Variants in SLC4A4 observed in about 807,000 individuals in gnomAD.
SLC4A4 encodes solute carrier family 4 member 4.
Under a neutral mutation model 111.5 loss-of-function variants are expected in SLC4A4, and 27 were observed. The ratio of observed to expected loss-of-function variants is 0.24; its 90% CI spans 0.18 to 0.33. SLC4A4 has a LOEUF of 0.33. SLC4A4 is among the 10% of genes least tolerant of loss of function. The pLI is 1.00. For synonymous variants in SLC4A4, 443 were observed against 463.4 expected (o/e 0.96, Z 0.57); for missense variants, 909 against 1,315.5 (o/e 0.69, Z 4.78).
intron 3 of SLC4A4, among the ~76,000 whole-genome samples, chr4:71,296,495 T>G (rs879146467): frequency 1.3e-5 from 2 of 152,196 alleles, no homozygotes; most frequent in Non-Finnish European, 2.9e-5. Context: ...TCTACATTCC[T>G]GAAGTTTATT....
intron 3 of SLC4A4, among the ~76,000 whole-genome samples, chr4:71,299,584 C>G (rs1725057991): frequency 6.6e-6 from 1 of 152,142 alleles, no homozygotes; most frequent in South Asian, 2.1e-4. Flanking sequence ...AGCCAGGGCC[C>G]AGGGCCAATA....
At chr4:71,197,102 C>T (rs1746045731) in intron 1 of SLC4A4, among the ~76,000 whole-genome samples, 1 of 151,856 alleles carries the variant, frequency 6.6e-6, no homozygotes, top group African/African-American at 2.4e-5. Context: ...GTAATCCCAG[C>T]TACTTGGGAG....
chr4:71,497,891 A>G (rs1306692556), intron 16 of SLC4A4, among the ~76,000 whole-genome samples, 199 bp downstream of exon 16: 1 of 152,158 alleles, frequency 6.6e-6, no homozygotes, highest in Non-Finnish European at 1.5e-5. Flanking sequence ...CCTTCCAAGG[A>G]CTTTCTCACA....
chr4:71,193,443 G>A (rs926496717), intron 1 of SLC4A4, among the ~76,000 whole-genome samples: 1 of 152,188 alleles, frequency 6.6e-6, no homozygotes, highest in Non-Finnish European at 1.5e-5. Flanking sequence ...ACAGGCGTGA[G>A]CCACCGCGCC....
chr4:71,238,415 A>G (rs1231288012), intron 2 of SLC4A4, among the ~76,000 whole-genome samples: 1 of 152,254 alleles, frequency 6.6e-6, no homozygotes, highest in Non-Finnish European at 1.5e-5. Flanking sequence ...TGTAGCCAGG[A>G]TTCTTTAAGA....
intron 2 of SLC4A4, among the ~76,000 whole-genome samples, chr4:71,092,963 C>T (rs886489547): frequency 6.6e-6 from 1 of 151,840 alleles, no homozygotes; most frequent in South Asian, 2.1e-4. Flanking sequence ...GGCGTGGTGG[C>T]GTGCGCCTGT....
intron 6 of SLC4A4, among the ~76,000 whole-genome samples, chr4:71,359,054 GC>G (rs1199047735): frequency 1.3e-5 from 2 of 152,182 alleles, no homozygotes; most frequent in African/African-American, 4.8e-5. Flanking sequence ...AATATGATGA[GC>G]TTCATTTCCA....
intron 3 of SLC4A4, among the ~76,000 whole-genome samples, chr4:71,334,071 A>G (rs11727507): frequency 0.63 from 95,189 of 151,780 alleles, 32,698 homozygotes; most frequent in Non-Finnish European, 0.78. Flanking sequence ...CTCTCCTTTC[A>G]TCCAGCAGGC....
intron 3 of SLC4A4, among the ~76,000 whole-genome samples, chr4:71,285,065 C>A (rs1156462188): frequency 6.6e-6 from 1 of 152,146 alleles, no homozygotes; most frequent in Non-Finnish European, 1.5e-5. Flanking sequence ...AAGAGCTGGG[C>A]AGAGTCTCAG....
intron 1 of SLC4A4, among the ~76,000 whole-genome samples, chr4:71,218,272 T>C (rs2149018789): frequency 6.6e-6 from 1 of 152,306 alleles, no homozygotes; most frequent in Admixed American, 6.5e-5. Flanking sequence ...ACAACATGCG[T>C]ATGTAATTTC....
At chr4:71,332,208 T>C (rs1198968105) in intron 3 of SLC4A4, among the ~76,000 whole-genome samples, 2 of 152,144 alleles carry the variant, frequency 1.3e-5, no homozygotes, top group Non-Finnish European at 2.9e-5. Context: ...CCTTTACTAA[T>C]TTTGGGTTTG....
chr4:71,118,794 A>G (rs1743341086), intron 2 of SLC4A4, among the ~76,000 whole-genome samples: 1 of 152,188 alleles, frequency 6.6e-6, no homozygotes. Context: ...ACAGGACTTC[A>G]GAGGAGGGAG....
intron 2 of SLC4A4, among the ~76,000 whole-genome samples, chr4:71,238,950 C>A (rs1003968792): frequency 6.6e-6 from 1 of 152,102 alleles, no homozygotes; most frequent in African/African-American, 2.4e-5. Flanking sequence ...TATGTTAAGA[C>A]CTCTAAGAAG....
rs1049767481 is a variant in SLC4A4, at chr4:71,188,339, C to A, written c.-2+938C>A. On this transcript the variant is annotated intron_variant, in intron 1 of 25. Coordinates refer to ENST00000264485, the MANE Select transcript of SLC4A4 (RefSeq NM_001098484.3). The stretch of plus-strand genomic sequence containing the variant: ...TTTTTTTCTATCCTTCCTTCCCTCT[C>A]AAGGCCCTACCTTCTCAGCATAATT... Among the ~76,000 whole-genome samples the A allele has an allele frequency of 5.9e-5, 9 of 152,292 alleles. No homozygotes were observed. In the East Asian group the frequency reaches 1.7e-3, roughly 29 times the overall value.
chr4:71,475,987 A>G (rs989019578), intron 14 of SLC4A4, among the ~76,000 whole-genome samples: 1 of 151,816 alleles, frequency 6.6e-6, no homozygotes, highest in African/African-American at 2.4e-5. Flanking sequence ...CCATTATGCA[A>G]CAAGACTGTT....
intron 16 of SLC4A4, among the ~76,000 whole-genome samples, chr4:71,529,010 T>C (rs1733689697): frequency 6.6e-6 from 1 of 152,098 alleles, no homozygotes; most frequent in Admixed American, 6.6e-5. Context: ...AAAATATATT[T>C]CAAAGAAGAT....
At chr4:71,164,992 A>C (rs1215797213) in intron 2 of SLC4A4, among the ~76,000 whole-genome samples, 1 of 152,246 alleles carries the variant, frequency 6.6e-6, no homozygotes, top group African/African-American at 2.4e-5. Flanking sequence ...GCAAATCAAA[A>C]CCACAATGAG....
chr4:71,129,785 A>G (rs62302395), intron 2 of SLC4A4, among the ~76,000 whole-genome samples: 4 of 2,908 alleles, frequency 1.4e-3, no homozygotes, highest in African/African-American at 4.1e-3. Context: ...ACCATGCACC[A>G]AAAAAAAAAA....
chr4:71,466,680 C>A, intron 13 of SLC4A4, 103 bp downstream of exon 13: 1 of 1,189,616 alleles, frequency 8.4e-7, no homozygotes, highest in Non-Finnish European at 1.2e-6. Context: ...CCAAGAATCA[C>A]TCAGAATACT....
Sources: gnomAD v4.1 joint callset for allele counts (sites outside exome capture counted in the v4.1 genomes callset) on GRCh38, gnomAD v4.1.1 for gene constraint, MANE v1.5 for transcripts, NCBI Gene and HGNC (gene_info 2026-07-23, HGNC 2026-07-21) for gene names.